SLC6A5: variants seen among roughly 807,000 people sequenced by gnomAD.
SLC6A5 encodes solute carrier family 6 member 5.
In SLC6A5, 58 loss-of-function variants were observed where a neutral mutation model predicts 90.5. That is an observed-to-expected ratio of 0.64 (90% CI 0.52 to 0.80). SLC6A5 has a LOEUF of 0.80. Ranked by LOEUF, SLC6A5 falls within the 30% of genes least tolerant of loss-of-function variation. The pLI is 0.00. For synonymous variants in SLC6A5, 427 were observed against 401.4 expected (o/e 1.06, Z -0.76); for missense variants, 1,015 against 1,017.6 (o/e 1.00, Z 0.03).
chr11:20,605,913 C>T (rs1337310643), intron 3 of SLC6A5, among the ~76,000 whole-genome samples: 1 of 152,232 alleles, frequency 6.6e-6, no homozygotes, highest in Non-Finnish European at 1.5e-5. Flanking sequence ...CCGGCGGCTG[C>T]CCCTGGGCCT....
rs183673225 is a variant in SLC6A5 at position 20,635,159 on chromosome 11, T to C, written c.1625-1148T>C. Among the ~76,000 whole-genome samples, 5 of 152,196 alleles carry C rather than the reference T, an allele frequency of 3.3e-5. No homozygotes were observed. The East Asian group carries it at 7.7e-4, about 24-fold the overall frequency. On this transcript the variant is annotated intron_variant, in intron 10 of 15. Transcript: ENST00000525748. The stretch of plus-strand genomic sequence containing the variant: ...ATAATAGAAGATAATATTCTGTGGG[T>C]GTTGATGATGTAGGGGGTACTGGGC...
At chr11:20,633,329 A>G (rs1369963471) in intron 10 of SLC6A5, among the ~76,000 whole-genome samples, 6 of 152,252 alleles carry the variant, frequency 3.9e-5, no homozygotes, top group Non-Finnish European at 8.8e-5. Flanking sequence ...TTAATAGTTC[A>G]GATACCTTAC....
At chr11:20,625,573 TCTTGACG>T (rs1480016701) in intron 7 of SLC6A5, among the ~76,000 whole-genome samples, 1 of 152,198 alleles carries the variant, frequency 6.6e-6, no homozygotes, top group Admixed American at 6.5e-5. Flanking sequence ...CCCAAATGTT[TCTTGACG>T]CTGGTCCCTC....
At chr11:20,629,875 G>A (rs917836971) in intron 9 of SLC6A5, among the ~76,000 whole-genome samples, 3 of 151,852 alleles carry the variant, frequency 2.0e-5, no homozygotes, top group African/African-American at 4.8e-5. Context: ...ACCATGCCCC[G>A]CTAATTTTTT....
At position 20,655,457 on chromosome 11, in the gene SLC6A5, G is replaced by A. The variant is rs561687495; in HGVS notation, c.*589G>A. 5.2e-4 allele frequency: 83 copies of A among 159,712 alleles called. No homozygotes were observed. The highest frequency in any genetic ancestry group is 1.2e-3 in the Admixed American group (21 of 17,284). 9.9% of individuals were successfully genotyped at this position (159,712 alleles called of 1,614,324 possible). On this transcript the variant is annotated 3_prime_UTR_variant, in exon 16 of 16. Coordinates refer to ENST00000525748, the MANE Select transcript of SLC6A5 (RefSeq NM_004211.5). ...TCACCACTGGGGATCTGTTTCCTTC[G>A]TTTGGATCAGCAATCTCCAGTTACC...
chr11:20,631,054 C>G (rs1356668427), intron 10 of SLC6A5, among the ~76,000 whole-genome samples: 3 of 152,220 alleles, frequency 2.0e-5, no homozygotes, highest in Admixed American at 1.3e-4. Flanking sequence ...TTCTCCTTGC[C>G]TCTCCTTCCT....
At chr11:20,638,599 G>C (rs1049805598) in intron 13 of SLC6A5, 41 bp downstream of exon 13, 2 of 1,189,062 alleles carry the variant, frequency 1.7e-6, no homozygotes, top group Non-Finnish European at 2.5e-6. Flanking sequence ...TAGAGCTTGA[G>C]TGTCGGTAAG....
chr11:20,648,606 G>T (rs1156931474), intron 14 of SLC6A5, among the ~76,000 whole-genome samples: 1 of 152,096 alleles, frequency 6.6e-6, no homozygotes. Context: ...GAACATCTGC[G>T]AACAGACAGA....
intron 15 of SLC6A5, among the ~76,000 whole-genome samples, chr11:20,653,747 G>A (rs1853583307): frequency 1.3e-5 from 2 of 152,194 alleles, no homozygotes; most frequent in South Asian, 2.1e-4. Context: ...TTCCAGAGAT[G>A]GTTCACTTCT....
intron 1 of SLC6A5, 147 bp downstream of exon 1, chr11:20,599,822 G>A: frequency 1.0e-6 from 1 of 973,098 alleles, no homozygotes; most frequent in Admixed American, 1.8e-5. Context: ...GCAGCCCTAG[G>A]TATTTGTACT....
chr11:20,651,405 C>A (rs1853529411), intron 14 of SLC6A5, among the ~76,000 whole-genome samples: 1 of 151,324 alleles, frequency 6.6e-6, no homozygotes, highest in Non-Finnish European at 1.5e-5. Context: ...TCCCAAGTAG[C>A]TGGGATTACA....
intron 14 of SLC6A5, among the ~76,000 whole-genome samples, chr11:20,651,157 A>AT (rs1299254333): frequency 6.6e-6 from 1 of 151,946 alleles, no homozygotes; most frequent in Non-Finnish European, 1.5e-5. Flanking sequence ...AGTAGATTCA[A>AT]TTTTTTAAAA....
At chr11:20,619,107 G>A (rs944546531) in intron 7 of SLC6A5, among the ~76,000 whole-genome samples, 2 of 152,196 alleles carry the variant, frequency 1.3e-5, no homozygotes, top group African/African-American at 4.8e-5. Context: ...GAATGAGGAT[G>A]TAATGGGGGA....
intron 7 of SLC6A5, among the ~76,000 whole-genome samples, chr11:20,620,216 A>G (rs904027872): frequency 6.6e-6 from 1 of 152,130 alleles, no homozygotes; most frequent in Non-Finnish European, 1.5e-5. Flanking sequence ...CTGCAGGAGG[A>G]GAGGTGATAG....
chr11:20,604,449 C>A (rs1467098204), intron 3 of SLC6A5, 25 bp downstream of exon 3: 13 of 1,611,160 alleles, frequency 8.1e-6, no homozygotes, highest in Non-Finnish European at 1.0e-5. Context: ...CTCTTTCCGC[C>A]TGCGGCGGGG....
At chr11:20,607,677 G>C (rs922048852) in intron 5 of SLC6A5, 25 bp downstream of exon 5, 1 of 1,584,270 alleles carries the variant, frequency 6.3e-7, no homozygotes, top group Non-Finnish European at 8.7e-7. Context: ...ACCTGCTTTA[G>C]GTGTGTGTAT....
chr11:20,637,050 C>A, intron 11 of SLC6A5, 122 bp from the exon 12 acceptor site: 1 of 1,025,242 alleles, frequency 9.8e-7, no homozygotes, highest in East Asian at 2.4e-5. Flanking sequence ...TGAGGGAATG[C>A]CATCCTAAAA....
chr11:20,608,552 G>A (rs900860511), intron 5 of SLC6A5, among the ~76,000 whole-genome samples: 4 of 152,240 alleles, frequency 2.6e-5, no homozygotes, highest in Non-Finnish European at 5.9e-5. Flanking sequence ...AATGAGGAGT[G>A]TGATACAGTT....
Position 20,658,491 on chromosome 11 carries a change from A to T in SLC6A5, c.*3623A>T, listed in dbSNP as rs2133831204. On this transcript the variant is annotated 3_prime_UTR_variant, in exon 16 of 16. Coordinates refer to ENST00000525748, the MANE Select transcript of SLC6A5 (RefSeq NM_004211.5). The stretch of plus-strand genomic sequence containing the variant: ...TCCTTCTCTTTCACACTGGGTATCA[A>T]GCAGAAAACTTCCAGGCTGGGAGCA... 6.6e-6 allele frequency: 1 copy of T among 152,268 alleles called. No homozygotes were observed. The highest frequency in any genetic ancestry group is 2.1e-4 in the South Asian group (1 of 4,816). 9.4% of individuals were successfully genotyped at this position (152,268 alleles called of 1,614,324 possible).
Sources: gnomAD v4.1 joint callset for allele counts (sites outside exome capture counted in the v4.1 genomes callset) on GRCh38, gnomAD v4.1.1 for gene constraint, MANE v1.5 for transcripts, NCBI Gene and HGNC (gene_info 2026-07-23, HGNC 2026-07-21) for gene names.